GFRA1: variants seen among roughly 807,000 people sequenced by gnomAD.
The protein encoded by GFRA1 is GDNF family receptor alpha 1.
Under a neutral mutation model 51.6 loss-of-function variants are expected in GFRA1, and 16 were observed. The ratio of observed to expected loss-of-function variants is 0.31; its 90% confidence interval spans 0.21 to 0.47. The LOEUF (loss-of-function observed/expected upper bound fraction) is 0.47. Ranked by LOEUF, GFRA1 falls within the 20% of genes least tolerant of loss-of-function variation. GFRA1 has a pLI of 1.00. For synonymous variants in GFRA1, 270 were observed against 241.3 expected (o/e 1.12, Z -1.10); for missense variants, 530 against 594.3 (o/e 0.89, Z 1.13).
chr10:116,081,995 A>G (rs1323911142), intron 9 of GFRA1, among the ~76,000 whole-genome samples: 1 of 152,248 alleles, frequency 6.6e-6, no homozygotes, highest in East Asian at 1.9e-4. Flanking sequence ...AGCAAATAAT[A>G]GGATCAGTGG....
At chr10:116,109,572 C>A (rs1228315825) in intron 6 of GFRA1, among the ~76,000 whole-genome samples, 1 of 152,240 alleles carries the variant, frequency 6.6e-6, no homozygotes, top group African/African-American at 2.4e-5. Flanking sequence ...CTTCCCCGGG[C>A]TGTGTTCCCC....
In GFRA1 at chr10:116,064,411, G is replaced by A. The variant is rs747537109; in HGVS notation, c.1385C>T (p.Thr462Ile). 1.9e-6 allele frequency: 3 copies of A among 1,612,390 alleles called. No individual in the cohort carries two copies. The highest frequency in any genetic ancestry group is 1.1e-5 in the South Asian group (1 of 90,966). Residue 462 changes from threonine (T) to isoleucine (I), a missense_variant, in exon 11 of 11, where the codon ACA becomes ATA. Coordinates refer to ENST00000355422, the MANE Select transcript of GFRA1 (RefSeq NM_005264.8). The stretch of plus-strand genomic sequence containing the variant: ...TTTTTAATGCAGCTATGATGTTTCT[G>A]TTAAAGATAATAGGGTGGACAGAGC... The part of the protein sequence containing the change: ...VTALSTLLSL[T>I]ETS
chr10:116,193,483 G>A (rs752092352), intron 5 of GFRA1, among the ~76,000 whole-genome samples: 5 of 152,114 alleles, frequency 3.3e-5, no homozygotes, highest in Admixed American at 1.3e-4. Context: ...CCAAGTTCAC[G>A]GAAATGTCAC....
At chr10:116,138,411 A>G (rs1204583047) in intron 5 of GFRA1, among the ~76,000 whole-genome samples, 1 of 151,864 alleles carries the variant, frequency 6.6e-6, no homozygotes, top group Non-Finnish European at 1.5e-5. Context: ...TTATTTTCCT[A>G]CTAAATCCTG....
intron 4 of GFRA1, among the ~76,000 whole-genome samples, chr10:116,224,921 C>A (rs1289754565): frequency 6.6e-6 from 1 of 152,176 alleles, no homozygotes; most frequent in Non-Finnish European, 1.5e-5. Flanking sequence ...GTCAATCTCA[C>A]AAATGCACCC....
chr10:116,222,182 T>C (rs1344004191), intron 4 of GFRA1, among the ~76,000 whole-genome samples: 1 of 152,044 alleles, frequency 6.6e-6, no homozygotes, highest in African/African-American at 2.4e-5. Context: ...CAGAGGGCTT[T>C]CTTTTCTTCT....
chr10:116,186,517 C>G (rs984884628), intron 5 of GFRA1, among the ~76,000 whole-genome samples: 1 of 142,236 alleles, frequency 7.0e-6, no homozygotes, highest in Non-Finnish European at 1.5e-5. Flanking sequence ...GGACATTACA[C>G]AATTCTGAAA....
intron 4 of GFRA1, among the ~76,000 whole-genome samples, chr10:116,216,846 A>G (rs1464602208): frequency 6.6e-6 from 1 of 152,204 alleles, no homozygotes; most frequent in Non-Finnish European, 1.5e-5. Context: ...GGAAGGGAAC[A>G]GCTGGAATGA....
intron 6 of GFRA1, among the ~76,000 whole-genome samples, chr10:116,098,570 G>A (rs1412638849): frequency 1.3e-5 from 2 of 152,250 alleles, no homozygotes; most frequent in East Asian, 1.9e-4. Context: ...TGCAAGTTCA[G>A]GCAGCTGGGG....
chr10:116,061,946 CTATT>C lies in GFRA1; in HGVS notation c.*2448_*2451del, dbSNP rs962559729. 1.5e-5 allele frequency: 6 copies of C among 398,390 alleles called. No homozygotes were observed. The highest frequency in any genetic ancestry group is 8.2e-5 in the African/African-American group (4 of 48,634). The allele number at this position is 398,390 out of a possible 1,614,324, so 24.7% of individuals were successfully genotyped here. ...TTGTCCCTGAACAAGATGCTTCCCCCTATTTATTTAATCAGCAACTGATTTTCAA... is the reference window on the plus strand; with the variant it reads ...TTGTCCCTGAACAAGATGCTTCCCCCTATTTAATCAGCAACTGATTTTCAA... On this transcript the variant is annotated 3_prime_UTR_variant, in exon 11 of 11. Coordinates refer to ENST00000355422, the MANE Select transcript of GFRA1 (RefSeq NM_005264.8).
At position 116,124,217 on chromosome 10, in the gene GFRA1, TTTCTTC is replaced by T. The variant is rs369954258; in HGVS notation, c.770+998_770+1003del. Among the ~76,000 whole-genome samples, 358 of 150,734 alleles carry T rather than the reference TTTCTTC, an allele frequency of 2.4e-3. 1 individual carries two copies. The highest frequency in any genetic ancestry group is 5.1e-3 in the East Asian group (26 of 5,094). On this transcript the variant is annotated intron_variant, in intron 6 of 10. Coordinates refer to ENST00000355422, the MANE Select transcript of GFRA1 (RefSeq NM_005264.8). ...ACCGCGCCAGGCCTGTGGTTTTTCTTTTCTTCTTCTTCTTCTTCTTTTTTTTTTTAA... is the reference window on the plus strand; with the variant it reads ...ACCGCGCCAGGCCTGTGGTTTTTCTTTTCTTCTTCTTCTTTTTTTTTTTAA...
At chr10:116,124,293 C>T (rs1589807140) in intron 6 of GFRA1, among the ~76,000 whole-genome samples, 1 of 149,904 alleles carries the variant, frequency 6.7e-6, no homozygotes, top group South Asian at 2.1e-4. Context: ...GCAGTGGTGC[C>T]ATCTCGCCTC....
At chr10:116,190,060 G>A (rs1290018515) in intron 5 of GFRA1, among the ~76,000 whole-genome samples, 1 of 152,194 alleles carries the variant, frequency 6.6e-6, no homozygotes, top group African/African-American at 2.4e-5. Flanking sequence ...CTGGGATGCA[G>A]CTGGGGAATG....
rs34059876 is a variant in GFRA1, at chr10:116,181,625, G to GTT, written c.433+30004_433+30005dup. On this transcript the variant is annotated intron_variant, in intron 5 of 10. Coordinates refer to ENST00000355422, the MANE Select transcript of GFRA1 (RefSeq NM_005264.8). ...CTAGCTATATACACAAAAATATGAG[G>GTT]TTTTTTTTTGTTGTTTTTTTGTTTT... 3.6e-3 allele frequency among the ~76,000 whole-genome samples: 545 copies of GTT among 150,672 alleles called. 2 individuals carry two copies. The highest frequency in any genetic ancestry group is 4.1e-3 in the Non-Finnish European group (280 of 67,736).
intron 5 of GFRA1, among the ~76,000 whole-genome samples, chr10:116,168,682 C>T (rs191515765): frequency 8.9e-4 from 135 of 152,248 alleles, no homozygotes; most frequent in African/African-American, 2.6e-3. Context: ...CTTTTAGGGC[C>T]CCCACAGAGC....
chr10:116,202,747 G>A (rs1360044995), intron 5 of GFRA1, among the ~76,000 whole-genome samples: 3 of 152,032 alleles, frequency 2.0e-5, no homozygotes, highest in Non-Finnish European at 4.4e-5. Context: ...ACAGCAATGG[G>A]GAAATCCACC....
chr10:116,205,314 A>G (rs11197583), intron 5 of GFRA1, among the ~76,000 whole-genome samples: 32,303 of 152,062 alleles, frequency 0.21, 3,502 homozygotes, highest in South Asian at 0.27. Context: ...ACGGTGACTC[A>G]CACCTGTAAT....
At position 116,064,082 on chromosome 10, in the gene GFRA1, CATCATCATG is replaced by C. The variant is rs1393304902; in HGVS notation, c.*307_*315del. On this transcript the variant is annotated 3_prime_UTR_variant, in exon 11 of 11. Coordinates refer to ENST00000355422, the MANE Select transcript of GFRA1 (RefSeq NM_005264.8). ...TGATCATCATCATGATCATGATGAT[CATCATCATG>C]ATCATCATCATCATCGAAAACACAG... 3 of 175,566 alleles carry C rather than the reference CATCATCATG, an allele frequency of 1.7e-5. No individual in the cohort carries two copies. The highest frequency in any genetic ancestry group is 3.1e-5 in the Non-Finnish European group (3 of 97,098). The allele number at this position is 175,566 out of a possible 1,614,324, so 10.9% of individuals were successfully genotyped here.
At chr10:116,117,853 C>G (rs956616636) in intron 6 of GFRA1, among the ~76,000 whole-genome samples, 2 of 152,150 alleles carry the variant, frequency 1.3e-5, no homozygotes, top group Non-Finnish European at 2.9e-5. Flanking sequence ...CCTCTGTTCT[C>G]TGAGTGATTG....
Sources: allele counts gnomAD v4.1 joint callset (sites outside exome capture counted in the v4.1 genomes callset), GRCh38; gene constraint gnomAD v4.1.1; transcripts MANE v1.5; gene names NCBI Gene and HGNC (gene_info 2026-07-23, HGNC 2026-07-21).